HEPH: variants seen among roughly 807,000 people sequenced by gnomAD.
HEPH encodes hephaestin.
Under a neutral mutation model 80.8 loss-of-function variants are expected in HEPH, and 69 were observed. That is an observed-to-expected ratio of 0.85 (90% confidence interval 0.70 to 1.04). HEPH has a LOEUF of 1.04. Among genes scored for constraint, HEPH ranks in the 50% least tolerant of loss-of-function variants. The probability of loss-of-function intolerance (pLI) is 0.00; values close to 1 mark genes in which losing one functional copy is unlikely to be tolerated. For synonymous variants in HEPH, 431 were observed against 322.8 expected (o/e 1.34, Z -3.60); for missense variants, 1,115 against 891.3 (o/e 1.25, Z -3.20).
chrX:66,239,113 AG>A (rs1429360038), intron 15 of HEPH, among the ~76,000 whole-genome samples: 1 of 112,097 alleles, frequency 8.9e-6, no homozygotes, highest in Admixed American at 9.4e-5. Flanking sequence ...GTTTATGGCC[AG>A]TTTTGGGGCC....
intron 6 of HEPH, among the ~76,000 whole-genome samples, chrX:66,190,235 A>T (rs2087719221): frequency 9.1e-6 from 1 of 110,422 alleles, no homozygotes; most frequent in Non-Finnish European, 1.9e-5. Context: ...TTTGCTTAGA[A>T]TTCTAAACAA....
intron 15 of HEPH, among the ~76,000 whole-genome samples, chrX:66,221,040 C>A (rs1459413193): frequency 8.9e-6 from 1 of 111,733 alleles, no homozygotes; most frequent in East Asian, 2.8e-4. Flanking sequence ...GTTAATAAGT[C>A]CTTACTGTAC....
At chrX:66,187,598 A>G (rs1250284326) in intron 4 of HEPH, among the ~76,000 whole-genome samples, 2 of 111,606 alleles carry the variant, frequency 1.8e-5, no homozygotes, top group Non-Finnish European at 3.8e-5. Context: ...TGTGATGCGA[A>G]CTGTGTATGG....
intron 12 of HEPH, among the ~76,000 whole-genome samples, chrX:66,201,282 G>C (rs931117757): frequency 9.1e-6 from 1 of 109,841 alleles, no homozygotes; most frequent in African/African-American, 3.3e-5. Flanking sequence ...TTTCAGCCTG[G>C]AAATCAGAAC....
At chrX:66,203,688 C>A in intron 13 of HEPH, 111 bp downstream of exon 13, 1 of 634,411 alleles carries the variant, frequency 1.6e-6, no homozygotes, top group Non-Finnish European at 2.4e-6. Context: ...AATGTGATAC[C>A]AACAGATTTG....
chrX:66,264,909 GTATA>G (rs2091486804), intron 20 of HEPH, among the ~76,000 whole-genome samples: 1 of 104,596 alleles, frequency 9.6e-6, no homozygotes, highest in African/African-American at 3.4e-5. Flanking sequence ...GTGTATATTT[GTATA>G]TATACATACA....
chrX:66,253,914 A>G (rs772311206), intron 15 of HEPH, among the ~76,000 whole-genome samples: 1 of 111,512 alleles, frequency 9.0e-6, no homozygotes, highest in African/African-American at 3.3e-5. Flanking sequence ...AAAGTGGAAT[A>G]TTGATTACCT....
At chrX:66,165,088 C>A (rs1305619835) in intron 1 of HEPH, among the ~76,000 whole-genome samples, 1 of 111,797 alleles carries the variant, frequency 8.9e-6, no homozygotes, top group African/African-American at 3.3e-5. Context: ...CTAAAGGTTT[C>A]ATGCATGTGT....
At chrX:66,220,200 A>T (rs1004295995) in intron 15 of HEPH, among the ~76,000 whole-genome samples, 4 of 111,565 alleles carry the variant, frequency 3.6e-5, no homozygotes, top group African/African-American at 1.3e-4. Flanking sequence ...CTCTACATAC[A>T]TAACAGGAAG....
chrX:66,178,106 C>T (rs1168329910), intron 4 of HEPH, among the ~76,000 whole-genome samples: 1 of 111,414 alleles, frequency 9.0e-6, no homozygotes, highest in Non-Finnish European at 1.9e-5. Context: ...CCCCCCACCC[C>T]ATGACAGGCC....
intron 15 of HEPH, among the ~76,000 whole-genome samples, chrX:66,237,922 A>G (rs933511579): frequency 2.7e-5 from 3 of 112,059 alleles, no homozygotes; most frequent in African/African-American, 9.7e-5. Flanking sequence ...CTGTTTTGTC[A>G]GAAACTTGGA....
At chrX:66,174,330 T>C in intron 4 of HEPH, among the ~76,000 whole-genome samples, 1 of 111,922 alleles carries the variant, frequency 8.9e-6, no homozygotes, top group Non-Finnish European at 1.9e-5. Context: ...TCGCTGCAGA[T>C]GCCGTTAATT....
chrX:66,191,603 C>T (rs1400631755), intron 6 of HEPH, among the ~76,000 whole-genome samples: 4 of 112,040 alleles, frequency 3.6e-5, no homozygotes, highest in South Asian at 3.7e-4. Context: ...ATTTTCCTTA[C>T]GGTCCCAAGT....
rs1386603194 is a variant in HEPH, at chrX:66,188,446, G to A, written c.713G>A (p.Ser238Asn). The A allele has an allele frequency of 8.3e-7, 1 of 1,206,193 alleles. No homozygotes were observed. ...TTCAGTGTGGTAGATGAGAACCTCA[G>A]CTGGCATCTCAATGAGAACATTGCC... The part of the protein sequence containing the change: ...LLFSVVDENL[S>N]WHLNENIATY... Residue 238 changes from serine to asparagine, a missense_variant, in exon 5 of 21, where the codon AGC becomes AAC. This residue lies in a region of HEPH where 391 missense variants were observed against 343.6 expected (regional missense o/e 1.14). Transcript: ENST00000343002.
intron 19 of HEPH, among the ~76,000 whole-genome samples, chrX:66,261,156 C>A (rs1016508832): frequency 1.1e-4 from 12 of 111,986 alleles, no homozygotes; most frequent in African/African-American, 3.9e-4. Context: ...ACATCAGCCT[C>A]CCAAATCGCT....
intron 15 of HEPH, among the ~76,000 whole-genome samples, chrX:66,251,343 T>C (rs971801854): frequency 3.6e-5 from 4 of 112,391 alleles, no homozygotes; most frequent in African/African-American, 1.3e-4. Flanking sequence ...ATTCAGTTGT[T>C]CCACATCCTT....
At chrX:66,214,660 A>G (rs1347080224) in intron 15 of HEPH, among the ~76,000 whole-genome samples, 2 of 111,396 alleles carry the variant, frequency 1.8e-5, no homozygotes, top group African/African-American at 6.5e-5. Context: ...TAATCAGACC[A>G]GAGTTTGCAT....
At position 66,216,767 on chromosome X, in the gene HEPH, T is replaced by A. The variant is rs774587221; in HGVS notation, c.2563+8521T>A. Among the ~76,000 whole-genome samples the A allele has an allele frequency of 1.7e-4, 19 of 111,891 alleles. 1 individual carries two copies. In the South Asian group the frequency reaches 4.9e-3, roughly 29 times the overall value. On this transcript the variant is annotated intron_variant, in intron 15 of 20. Coordinates refer to ENST00000343002, the MANE Select transcript of HEPH (RefSeq NM_001367233.3). ...AAAATCAGAAGGTAGACTATTAAGC[T>A]AATCAAGGAGGCACCAGAGAAAGGT...
chrX:66,174,731 G>A (rs750867557), intron 4 of HEPH, among the ~76,000 whole-genome samples: 13 of 111,212 alleles, frequency 1.2e-4, no homozygotes, highest in East Asian at 5.6e-4. Context: ...AGGTAGTAGC[G>A]CATTGTGGTT....
Sources: gnomAD v4.1 joint callset for allele counts (sites outside exome capture counted in the v4.1 genomes callset) on GRCh38, gnomAD v4.1.1 for gene constraint, gnomAD v4.1.1 regional missense constraint, MANE v1.5 for transcripts, NCBI Gene and HGNC (gene_info 2026-07-23, HGNC 2026-07-21) for gene names.